GLIS1: variants seen among roughly 807,000 people sequenced by gnomAD.
The protein encoded by GLIS1 is zinc finger protein GLIS1.
GLIS1 carries 24 observed loss-of-function variants against 63.8 expected under a neutral mutation model. The observed-to-expected ratio is 0.38, with a 90% CI of 0.27 to 0.53. The LOEUF (loss-of-function observed/expected upper bound fraction) is 0.53. GLIS1 is among the 20% of genes least tolerant of loss of function. GLIS1 has a pLI of 0.85. For synonymous variants in GLIS1, 450 were observed against 482.5 expected, an observed-to-expected ratio of 0.93 and a Z score of 0.88; for missense variants, 1,036 against 1,074.1, an observed-to-expected ratio of 0.96 and a Z score of 0.50.
chr1:53,667,949 A>G (rs1646111639), intron 2 of GLIS1, among the ~76,000 whole-genome samples: 1 of 152,064 alleles, frequency 6.6e-6, no homozygotes, highest in African/African-American at 2.4e-5. Context: ...TTGGGTAGCA[A>G]TCCATTTCAT....
In GLIS1 at chr1:53,612,820, C is replaced by CT. The variant is rs11303017; in HGVS notation, c.260-12543dup. On this transcript the variant is annotated intron_variant, in intron 2 of 10. Coordinates refer to ENST00000628545, the MANE Select transcript of GLIS1 (RefSeq NM_001367484.1). Reference sequence around the variant, plus strand: ...AGCTGTCTCATTAGTTCTTTGATGCCTTTTTTTTTTTTTTTTGAGATGGGG... The same window carrying CT: ...AGCTGTCTCATTAGTTCTTTGATGCCTTTTTTTTTTTTTTTTTGAGATGGGG... Among the ~76,000 whole-genome samples the CT allele has an allele frequency of 1.1e-3, 136 of 122,688 alleles. 1 individual carries two copies. Among genetic ancestry groups the CT allele is most frequent in the African/African-American group, 3.8e-3 (127 of 33,148 alleles). The allele number at this position is 122,688 out of a possible 152,430, so 80.5% of individuals were successfully genotyped here.
rs745841742 is a variant in GLIS1 at position 53,672,612 on chromosome 1, C to A, written c.259+65194G>T. On this transcript the variant is annotated intron_variant, in intron 2 of 10. Coordinates refer to ENST00000628545, the MANE Select transcript of GLIS1 (RefSeq NM_001367484.1). ...GTCTCTAACCGCACAGAGCAGTGAG[C>A]TGGATTGACAACAGGGCTTCTCTGC... Among the ~76,000 whole-genome samples, 40 of 152,334 alleles carry A rather than the reference C, an allele frequency of 2.6e-4. 1 individual carries two copies. Among genetic ancestry groups the A allele is most frequent in the Admixed American group, 2.0e-3 (30 of 15,312 alleles).
chr1:53,594,942 T>C lies in GLIS1; in HGVS notation c.486A>G (p.Thr162=), dbSNP rs754249238. The C allele has an allele frequency of 6.8e-7, 1 of 1,481,308 alleles. No homozygotes were observed. The highest frequency in any genetic ancestry group is 8.9e-7 in the Non-Finnish European group (1 of 1,123,522). The allele number at this position is 1,481,308 out of a possible 1,614,324, so 91.8% of individuals were successfully genotyped here. ...GCAAGGACTCCTGTTTGATGTGTTG[T>C]GTGGTTGGGAGGCTGCCGTTCACAT... ...ATYVNGSLPT[T]QHIKQESLPD... The change falls in exon 4 of 11, where the codon ACA becomes ACG. Residue 162 remains threonine, a synonymous_variant. Transcript: ENST00000628545.
chr1:53,520,255 G>A (rs544033811), intron 7 of GLIS1, among the ~76,000 whole-genome samples: 3 of 152,288 alleles, frequency 2.0e-5, no homozygotes, highest in South Asian at 2.1e-4. Context: ...GACAGTGTCC[G>A]GGGGTCGGGG....
At chr1:53,570,373 C>T (rs1354551382) in intron 4 of GLIS1, among the ~76,000 whole-genome samples, 1 of 152,054 alleles carries the variant, frequency 6.6e-6, no homozygotes, top group Non-Finnish European at 1.5e-5. Context: ...CCTCCCACCC[C>T]AGTCTCACAA....
intron 4 of GLIS1, among the ~76,000 whole-genome samples, chr1:53,569,386 C>T (rs1048163178): frequency 3.9e-5 from 6 of 152,016 alleles, no homozygotes; most frequent in Non-Finnish European, 7.4e-5. Context: ...GGGGAGGCTG[C>T]GTGTGTGAGG....
chr1:53,592,057 G>A (rs1206913719), intron 4 of GLIS1, among the ~76,000 whole-genome samples: 2 of 152,184 alleles, frequency 1.3e-5, no homozygotes, highest in African/African-American at 4.8e-5. Flanking sequence ...GCCATGGGAG[G>A]TCCAGGTCTG....
At chr1:53,595,843 G>A (rs1224416429) in intron 3 of GLIS1, among the ~76,000 whole-genome samples, 2 of 152,230 alleles carry the variant, frequency 1.3e-5, no homozygotes, top group Admixed American at 6.5e-5. Context: ...GTCCTGGTGG[G>A]GGTGTCTCAG....
At chr1:53,694,427 T>C (rs993473830) in intron 2 of GLIS1, among the ~76,000 whole-genome samples, 2 of 152,210 alleles carry the variant, frequency 1.3e-5, no homozygotes, top group Admixed American at 1.3e-4. Context: ...CCAGGGACCC[T>C]TTCTGCCTTC....
At chr1:53,616,762 C>T (rs1645486803) in intron 2 of GLIS1, among the ~76,000 whole-genome samples, 7 of 152,170 alleles carry the variant, frequency 4.6e-5, no homozygotes, top group Admixed American at 4.6e-4. Context: ...GGAACGGGCA[C>T]AATCCGGAGA....
intron 2 of GLIS1, among the ~76,000 whole-genome samples, chr1:53,696,187 T>C (rs797010449): frequency 3.3e-5 from 5 of 152,386 alleles, no homozygotes; most frequent in African/African-American, 9.6e-5. Flanking sequence ...TTAATAAAAC[T>C]AGAAGCAGCT....
intron 2 of GLIS1, among the ~76,000 whole-genome samples, chr1:53,678,781 G>C (rs115193652): frequency 0.01 from 1,582 of 152,308 alleles, 21 homozygotes; most frequent in African/African-American, 0.036. Context: ...TCAGCCTGGG[G>C]AAGGGGGAAA....
chr1:53,579,834 C>A (rs901680028), intron 4 of GLIS1, among the ~76,000 whole-genome samples: 2 of 152,216 alleles, frequency 1.3e-5, no homozygotes, highest in African/African-American at 4.8e-5. Flanking sequence ...GACCTCCCTG[C>A]CGCTCAGCCA....
intron 3 of GLIS1, among the ~76,000 whole-genome samples, chr1:53,596,548 C>A (rs549073810): frequency 1.3e-5 from 2 of 152,318 alleles, no homozygotes; most frequent in South Asian, 4.1e-4. Context: ...GAGATGGCCC[C>A]GTGACAGCCC....
intron 4 of GLIS1, among the ~76,000 whole-genome samples, chr1:53,559,141 C>T (rs1644860893): frequency 6.6e-6 from 1 of 152,198 alleles, no homozygotes; most frequent in Non-Finnish European, 1.5e-5. Flanking sequence ...AAAACAGTAA[C>T]TCAGAATGCA....
chr1:53,594,790 C>T lies in GLIS1; in HGVS notation c.638G>A (p.Cys213Tyr). The T allele has an allele frequency of 6.2e-7, 1 of 1,605,500 alleles. No individual in the cohort carries two copies. Among genetic ancestry groups the T allele is most frequent in the Non-Finnish European group, 8.5e-7 (1 of 1,176,338 alleles). ...GRSLATPAPS[C>Y]YLLGSEPSSG... ...GCTGGGTTCGCTGCCCAGAAGGTAG[C>T]AGGAAGGCGCAGGGGTGGCGAGGCT... is the stretch of plus-strand genomic sequence containing the variant. Residue 213 changes from cysteine (C) to tyrosine (Y), a missense_variant, in exon 4 of 11, where the codon TGC becomes TAC. Transcript: ENST00000628545.
intron 4 of GLIS1, among the ~76,000 whole-genome samples, chr1:53,565,825 T>A (rs1272104534): frequency 6.6e-6 from 1 of 152,048 alleles, no homozygotes; most frequent in Admixed American, 6.6e-5. Context: ...AAAAAAGGGA[T>A]ACTCCCAAAC....
intron 2 of GLIS1, among the ~76,000 whole-genome samples, chr1:53,678,255 C>G (rs537469103): frequency 4.6e-5 from 7 of 150,876 alleles, no homozygotes; most frequent in African/African-American, 1.5e-4. Flanking sequence ...GCCCAGAGGG[C>G]CCCCTTGCAC....
chr1:53,722,137 G>A (rs1454975534), intron 2 of GLIS1, among the ~76,000 whole-genome samples: 1 of 152,150 alleles, frequency 6.6e-6, no homozygotes, highest in Admixed American at 6.5e-5. Context: ...TTGAAACACT[G>A]GTAAAGATAC....
Sources: allele counts gnomAD v4.1 joint callset (sites outside exome capture counted in the v4.1 genomes callset), GRCh38; gene constraint gnomAD v4.1.1; transcripts MANE v1.5; gene names NCBI Gene and HGNC (gene_info 2026-07-23, HGNC 2026-07-21).